Variants in NRG1 observed in about 807,000 individuals in gnomAD.
NRG1 encodes the protein pro-neuregulin-1, membrane-bound isoform.
NRG1 carries 18 observed loss-of-function variants against 63.8 expected under a neutral mutation model. That is an observed-to-expected ratio of 0.28 (90% CI 0.19 to 0.42). The LOEUF (loss-of-function observed/expected upper bound fraction) is 0.42. NRG1 is among the 10% of genes least tolerant of loss of function. NRG1 has a pLI of 1.00. For synonymous variants in NRG1, 302 were observed against 301.3 expected (o/e 1.00, Z -0.02); for missense variants, 762 against 814.7 (o/e 0.94, Z 0.79).
At chr8:32,727,436 TC>T (rs976285492) in intron 5 of NRG1, among the ~76,000 whole-genome samples, 3 of 152,224 alleles carry the variant, frequency 2.0e-5, no homozygotes, top group Non-Finnish European at 4.4e-5. Flanking sequence ...TATAATGTTT[TC>T]ATTTGGAACA....
At chr8:32,564,149 A>G (rs1836998431) in intron 1 of NRG1, among the ~76,000 whole-genome samples, 1 of 152,242 alleles carries the variant, frequency 6.6e-6, no homozygotes, top group South Asian at 2.1e-4. Context: ...TGTCATTATT[A>G]CAATAATAAT....
At chr8:32,763,954 A>T (rs1171322181) in exon 12 of NRG1, 1 of 1,614,006 alleles carries the variant, frequency 6.2e-7, no homozygotes. Flanking sequence ...AAGAAGTTTG[A>T]CCATCACCCT....
intron 1 of NRG1, among the ~76,000 whole-genome samples, chr8:31,707,710 TC>T (rs1226290650): frequency 6.6e-6 from 1 of 152,172 alleles, no homozygotes; most frequent in African/African-American, 2.4e-5. Context: ...CAGCTTTATC[TC>T]TTGGTATTCT....
At position 32,045,460 on chromosome 8, in the gene NRG1, G is replaced by T. The variant is rs868300339; in HGVS notation, c.37+406029G>T. ...AGTCAAAATCACAGTAGAATATTTT[G>T]TAGATATAGACAAGCTAGTGCTAAA... is the stretch of plus-strand genomic sequence containing the variant. On this transcript the variant is annotated intron_variant, in intron 1 of 10. Transcript: ENST00000519301. 5.9e-5 allele frequency among the ~76,000 whole-genome samples: 9 copies of T among 152,018 alleles called. No individual in the cohort carries two copies. In the South Asian group the frequency reaches 1.9e-3, roughly 32 times the overall value.
At chr8:32,100,835 C>T (rs1014137525) in intron 1 of NRG1, among the ~76,000 whole-genome samples, 3 of 152,080 alleles carry the variant, frequency 2.0e-5, no homozygotes, top group East Asian at 1.9e-4. Context: ...TATCTGATGA[C>T]GCTGCATCTC....
At chr8:32,157,658 A>T (rs923441098) in intron 1 of NRG1, among the ~76,000 whole-genome samples, 16 of 148,982 alleles carry the variant, frequency 1.1e-4, no homozygotes, top group African/African-American at 3.9e-4. Flanking sequence ...AAATATATAT[A>T]TTTTTATATA....
At chr8:32,684,637 T>A (rs1005378077) in intron 5 of NRG1, among the ~76,000 whole-genome samples, 1 of 152,192 alleles carries the variant, frequency 6.6e-6, no homozygotes, top group Non-Finnish European at 1.5e-5. Context: ...ATTCTTTTTT[T>A]AAAATTGACA....
chr8:32,353,528 G>A lies in NRG1; in HGVS notation c.38-242300G>A, dbSNP rs149339978. On this transcript the variant is annotated intron_variant, in intron 1 of 10. Coordinates refer to the NRG1 transcript ENST00000519301. ...GGCAAGGTTTGAATAAGCACACTTTGTCGAAGATATATGGATAGCCAAAAA... is the reference window on the plus strand; with the variant it reads ...GGCAAGGTTTGAATAAGCACACTTTATCGAAGATATATGGATAGCCAAAAA... Among the ~76,000 whole-genome samples the A allele has an allele frequency of 2.2e-3, 328 of 152,230 alleles. 2 individuals are homozygous for A. The highest frequency in any genetic ancestry group is 7.7e-3 in the African/African-American group (322 of 41,566).
At chr8:31,883,377 A>T (rs1031996207) in intron 1 of NRG1, among the ~76,000 whole-genome samples, 1 of 152,138 alleles carries the variant, frequency 6.6e-6, no homozygotes, top group Non-Finnish European at 1.5e-5. Context: ...CAAAAAATTC[A>T]GGTGACTTGC....
chr8:32,757,586 C>T (rs1421558899), intron 9 of NRG1, among the ~76,000 whole-genome samples: 1 of 152,176 alleles, frequency 6.6e-6, no homozygotes, highest in African/African-American at 2.4e-5. Context: ...CACCCTCTAA[C>T]AGTGTTCATC....
chr8:32,121,448 T>C (rs1484215317), intron 1 of NRG1, among the ~76,000 whole-genome samples: 1 of 151,726 alleles, frequency 6.6e-6, no homozygotes, highest in South Asian at 2.1e-4. Flanking sequence ...GTAAGGGACA[T>C]CATAAAACCT....
downstream of NRG1, among the ~76,000 whole-genome samples, chr8:32,772,080 T>G (rs1831861550): frequency 2.5e-5 from 3 of 119,874 alleles, no homozygotes; most frequent in Admixed American, 9.5e-5. Flanking sequence ...TATATATATA[T>G]ATATATATAA....
At chr8:32,089,934 T>G (rs190742547) in intron 1 of NRG1, among the ~76,000 whole-genome samples, 1 of 152,364 alleles carries the variant, frequency 6.6e-6, no homozygotes, top group East Asian at 1.9e-4. Flanking sequence ...GTTTCTCATT[T>G]GTCTTTTGAC....
At chr8:31,738,665 G>T (rs1814941322) in intron 1 of NRG1, among the ~76,000 whole-genome samples, 1 of 151,984 alleles carries the variant, frequency 6.6e-6, no homozygotes, top group African/African-American at 2.4e-5. Flanking sequence ...CAAGGTGTTG[G>T]CAGGGCCATG....
intron 6 of NRG1, among the ~76,000 whole-genome samples, chr8:32,740,498 A>G (rs770404530): frequency 1.3e-4 from 20 of 152,054 alleles, no homozygotes; most frequent in Non-Finnish European, 2.8e-4. Context: ...CGCCCGGCCA[A>G]GCTTATACTT....
intron 1 of NRG1, among the ~76,000 whole-genome samples, chr8:32,378,516 A>C (rs2129483187): frequency 6.6e-6 from 1 of 152,256 alleles, no homozygotes; most frequent in African/African-American, 2.4e-5. Flanking sequence ...GAGCATTTTC[A>C]CCTGTAAGGA....
intron 1 of NRG1, among the ~76,000 whole-genome samples, chr8:32,102,424 C>T (rs940750602): frequency 2.0e-5 from 3 of 152,104 alleles, no homozygotes; most frequent in Non-Finnish European, 4.4e-5. Flanking sequence ...AGGTGTAAGC[C>T]ACTGATCCCA....
At chr8:32,097,927 G>C (rs1830089580) in intron 1 of NRG1, among the ~76,000 whole-genome samples, 1 of 152,202 alleles carries the variant, frequency 6.6e-6, no homozygotes, top group Admixed American at 6.5e-5. Context: ...TCAAGGAAGA[G>C]GTCAGGGCTG....
chr8:32,762,802 GC>G (rs1830960632), intron 11 of NRG1, among the ~76,000 whole-genome samples: 1 of 152,166 alleles, frequency 6.6e-6, no homozygotes, highest in African/African-American at 2.4e-5. Context: ...CTTCCTCAGT[GC>G]CAAAAGTCAG....
Sources: gnomAD v4.1 joint callset for allele counts (sites outside exome capture counted in the v4.1 genomes callset) on GRCh38, gnomAD v4.1.1 for gene constraint, MANE v1.5 for transcripts, NCBI Gene and HGNC (gene_info 2026-07-23, HGNC 2026-07-21) for gene names.